Variants in CDH18 observed in about 807,000 individuals in gnomAD.
CDH18 encodes cadherin 18.
A neutral mutation model predicts 67.9 loss-of-function variants in CDH18; 31 were observed. The ratio of observed to expected loss-of-function variants is 0.46; its 90% CI spans 0.34 to 0.62. CDH18 has a LOEUF of 0.62. Among genes scored for constraint, CDH18 ranks in the 20% least tolerant of loss-of-function variants. The pLI, the probability that CDH18 is intolerant of heterozygous loss-of-function variation, is 0.01. For missense variants in CDH18, 890 were observed against 975.5 expected (o/e 0.91, Z 1.17); for synonymous variants, 362 against 347.2 (o/e 1.04, Z -0.48).
At chr5:20,525,181 C>A (rs1755973415) in intron 1 of CDH18, among the ~76,000 whole-genome samples, 1 of 152,056 alleles carries the variant, frequency 6.6e-6, no homozygotes, top group Non-Finnish European at 1.5e-5. Flanking sequence ...TGGAAGGAAG[C>A]CCAGAAGCCC....
At chr5:19,514,670 T>A (rs925955871) in intron 10 of CDH18, among the ~76,000 whole-genome samples, 9 of 152,224 alleles carry the variant, frequency 5.9e-5, no homozygotes, top group African/African-American at 2.2e-4. Context: ...GTTCTTATCC[T>A]TTGCCCACTT....
chr5:20,418,242 A>ATTTTATTTTTTTTTTTTT (rs1747499239), intron 1 of CDH18, among the ~76,000 whole-genome samples: 2 of 56,936 alleles, frequency 3.5e-5, no homozygotes, highest in Non-Finnish European at 5.7e-5. Flanking sequence ...CTGCTGGCTA[A>ATTTTATTTTTTTTTTTTT]TTTTTTTTTT....
chr5:19,526,520 C>G lies in CDH18; in HGVS notation c.1391-5742G>C, dbSNP rs542949635. On this transcript the variant is annotated intron_variant, in intron 9 of 12. Transcript: ENST00000382275. ...TAACACTATGATGGGCTCTGGAGAA[C>G]ACAGAACAACAAAATATGCCATTCT... Among the ~76,000 whole-genome samples the G allele has an allele frequency of 2.6e-5, 4 of 152,194 alleles. No homozygotes were observed. The East Asian group carries it at 5.8e-4, about 22-fold the overall frequency.
chr5:20,048,265 T>C (rs1469704392), intron 2 of CDH18, among the ~76,000 whole-genome samples: 1 of 151,774 alleles, frequency 6.6e-6, no homozygotes, highest in Non-Finnish European at 1.5e-5. Context: ...AATGAATTAA[T>C]GCTTTATTTC....
At chr5:20,508,553 G>T (rs761827172) in intron 1 of CDH18, among the ~76,000 whole-genome samples, 1 of 151,344 alleles carries the variant, frequency 6.6e-6, no homozygotes, top group Non-Finnish European at 1.5e-5. Context: ...CACATTGGGA[G>T]ATTTTATTTT....
At chr5:20,188,357 C>T (rs1318282904) in intron 2 of CDH18, among the ~76,000 whole-genome samples, 1 of 151,904 alleles carries the variant, frequency 6.6e-6, no homozygotes, top group Non-Finnish European at 1.5e-5. Context: ...TGTCTTTATT[C>T]TACTGGTCAC....
intron 1 of CDH18, among the ~76,000 whole-genome samples, chr5:20,561,903 TCAAAA>T (rs1321426766): frequency 6.6e-6 from 1 of 151,828 alleles, no homozygotes; most frequent in African/African-American, 2.4e-5. Flanking sequence ...TCCAAAAAGT[TCAAAA>T]CAAATGACAT....
In CDH18 at chr5:20,483,279, A is replaced by G. The variant is rs148596192; in HGVS notation, c.-580+92183T>C. Among the ~76,000 whole-genome samples, 1,516 of 152,184 alleles carry G rather than the reference A, an allele frequency of 1.0e-2. 22 individuals carry two copies. The highest frequency in any genetic ancestry group is 0.034 in the African/African-American group (1,428 of 41,572). On this transcript the variant is annotated intron_variant, in intron 1 of 14. Transcript: ENST00000507958. ...GCCAGAAATTGAAGAGGACACCAAA[A>G]AAGAAAAAGATATTCCATATTTTTG...
chr5:20,283,620 T>C (rs1028572764), intron 1 of CDH18, among the ~76,000 whole-genome samples: 4 of 151,918 alleles, frequency 2.6e-5, no homozygotes, highest in Non-Finnish European at 4.4e-5. Flanking sequence ...GTTAAGTACG[T>C]AGAGAAAAGG....
In CDH18 at chr5:20,395,884, G is replaced by A. The variant is rs895501475; in HGVS notation, c.-579-140379C>T. On this transcript the variant is annotated intron_variant, in intron 1 of 14. Coordinates refer to the CDH18 transcript ENST00000507958. ...ACTGGGTTCAGGGAGCTTCCAGATC[G>A]CTGAGGATGTGGAGGCTCCTGGAGA... 2.6e-5 allele frequency among the ~76,000 whole-genome samples: 4 copies of A among 152,126 alleles called. No individual in the cohort carries two copies. In the South Asian group the frequency reaches 6.2e-4, roughly 24 times the overall value.
intron 2 of CDH18, among the ~76,000 whole-genome samples, chr5:20,084,255 C>A (rs1414638230): frequency 6.6e-6 from 1 of 152,196 alleles, no homozygotes; most frequent in Admixed American, 6.5e-5. Flanking sequence ...AGTCTGAAAT[C>A]CAGCAGGGCT....
chr5:20,462,024 T>C (rs1005398402), intron 1 of CDH18, among the ~76,000 whole-genome samples: 4 of 152,152 alleles, frequency 2.6e-5, no homozygotes, highest in African/African-American at 9.7e-5. Context: ...TGGGTATGTA[T>C]CCAAAGGAAA....
At chr5:20,154,392 G>C (rs1751363155) in intron 2 of CDH18, among the ~76,000 whole-genome samples, 1 of 152,068 alleles carries the variant, frequency 6.6e-6, no homozygotes, top group African/African-American at 2.4e-5. Flanking sequence ...AGTCACCTGT[G>C]GGATGGATGT....
chr5:19,670,973 T>C (rs528721096), intron 5 of CDH18, among the ~76,000 whole-genome samples: 5 of 152,048 alleles, frequency 3.3e-5, no homozygotes, highest in Non-Finnish European at 7.4e-5. Flanking sequence ...ATTTTAAAAA[T>C]AGGAAATGAT....
intron 1 of CDH18, among the ~76,000 whole-genome samples, chr5:20,287,917 T>A (rs1246457815): frequency 6.6e-6 from 1 of 151,806 alleles, no homozygotes; most frequent in Non-Finnish European, 1.5e-5. Context: ...TTTTCTCAAA[T>A]TTATCCTTGT....
At chr5:19,638,077 GTTT>G (rs1753423749) in intron 5 of CDH18, among the ~76,000 whole-genome samples, 1 of 151,892 alleles carries the variant, frequency 6.6e-6, no homozygotes, top group Admixed American at 6.6e-5. Flanking sequence ...GGTTTGTTTC[GTTT>G]GTTAACAAAA....
chr5:19,802,531 C>A (rs1311582075), intron 3 of CDH18, among the ~76,000 whole-genome samples: 1 of 151,994 alleles, frequency 6.6e-6, no homozygotes, highest in Non-Finnish European at 1.5e-5. Flanking sequence ...AAGTAAAATT[C>A]AAATATGTTA....
chr5:19,544,124 T>C (rs1735903248), intron 8 of CDH18, 119 bp from the exon 9 acceptor site: 1 of 422,272 alleles, frequency 2.4e-6, no homozygotes, highest in Non-Finnish European at 4.1e-6. Flanking sequence ...AATTCTATAT[T>C]TGATTACATG....
At chr5:20,285,777 C>A (rs1175236467) in intron 1 of CDH18, among the ~76,000 whole-genome samples, 3 of 151,532 alleles carry the variant, frequency 2.0e-5, no homozygotes, top group African/African-American at 7.3e-5. Flanking sequence ...ATAGTCAAAT[C>A]ATAGAACAAT....
Sources: allele counts gnomAD v4.1 joint callset (sites outside exome capture counted in the v4.1 genomes callset), GRCh38; gene constraint gnomAD v4.1.1; transcripts MANE v1.5; gene names NCBI Gene and HGNC (gene_info 2026-07-23, HGNC 2026-07-21).